Variants in CHIA observed in about 807,000 individuals in gnomAD.
The protein encoded by CHIA is acidic mammalian chitinase.
CHIA carries 47 observed loss-of-function variants against 53.5 expected under a neutral mutation model. That is an observed-to-expected ratio of 0.88 (90% CI 0.70 to 1.12). The LOEUF (loss-of-function observed/expected upper bound fraction) is 1.12. Ranked by LOEUF, CHIA falls within the 50% of genes most tolerant of loss-of-function variation. The pLI, the probability that CHIA is intolerant of heterozygous loss-of-function variation, is 0.00. For missense variants in CHIA, 652 were observed against 592.2 expected, an observed-to-expected ratio of 1.10 and a Z score of -1.05; for synonymous variants, 268 against 222.2, an observed-to-expected ratio of 1.21 and a Z score of -1.83.
intron 6 of CHIA, chr1:111,316,029 G>A: frequency 3.1e-6 from 1 of 322,116 alleles, no homozygotes; most frequent in South Asian, 2.5e-5. Context: ...GAGTACAAAA[G>A]TAACAAGGAA....
At chr1:111,307,650 T>C (rs1192477270) in intron 1 of CHIA, among the ~76,000 whole-genome samples, 1 of 151,820 alleles carries the variant, frequency 6.6e-6, no homozygotes, top group African/African-American at 2.4e-5. Context: ...CTTTTTTTTT[T>C]TTTTTCTTGA....
rs769351912 is a variant in CHIA at position 111,312,313 on chromosome 1, G to A, written c.179G>A (p.Gly60Glu). ...ACCCACCTGATCTACGCCTTTGCTG[G>A]GAGGCAGAACAACGAGATCACCACC... ...LCTHLIYAFA[G>E]RQNNEITTIE... Residue 60 changes from glycine to glutamate, a missense_variant, in exon 4 of 12, where the codon GGG becomes GAG. By Grantham distance (98) the Gly-to-Glu change is moderately conservative. Transcript: ENST00000369740. 2.5e-6 allele frequency: 4 copies of A among 1,613,802 alleles called. No homozygotes were observed. The African/African-American group carries it at 4.0e-5, about 16-fold the overall frequency.
At position 111,318,076 on chromosome 1, in the gene CHIA, G is replaced by A. The variant is rs560491782; in HGVS notation, c.696G>A (p.Pro232=). 83 of 1,613,590 alleles carry A rather than the reference G, an allele frequency of 5.1e-5. No individual in the cohort carries two copies. Among genetic ancestry groups the A allele is most frequent in the Admixed American group, 6.7e-5 (4 of 60,008 alleles). ...AGAACAGCCCCCTCTACAAATACCCGACTGACACCGGCAGCAACGCCTACC... is the reference window on the plus strand; with the variant it reads ...AGAACAGCCCCCTCTACAAATACCCAACTGACACCGGCAGCAACGCCTACC... ...TGENSPLYKY[P]TDTGSNAYLN... is the part of the protein sequence containing the mutation. The change falls in exon 8 of 12, where the codon CCG becomes CCA. Residue 232 remains proline (P), a synonymous_variant. Coordinates refer to ENST00000369740, the MANE Select transcript of CHIA (RefSeq NM_201653.4).
intron 11 of CHIA, among the ~76,000 whole-genome samples, chr1:111,319,878 C>T (rs1649515857): frequency 6.6e-6 from 1 of 152,156 alleles, no homozygotes; most frequent in South Asian, 2.1e-4. Context: ...TAAATTTTTT[C>T]CAGATTTTTC....
At chr1:111,292,265 C>T (rs1661069468) in intron 1 of CHIA, among the ~76,000 whole-genome samples, 1 of 152,162 alleles carries the variant, frequency 6.6e-6, no homozygotes, top group South Asian at 2.1e-4. Flanking sequence ...TAGTATTATC[C>T]ATATGTAATA....
chr1:111,303,021 G>C (rs1421037165), intron 1 of CHIA, among the ~76,000 whole-genome samples: 1 of 151,864 alleles, frequency 6.6e-6, no homozygotes, highest in Non-Finnish European at 1.5e-5. Flanking sequence ...TTTGTCTCTT[G>C]TACATTTTTT....
At chr1:111,311,176 T>C (rs1648636092) in intron 2 of CHIA, among the ~76,000 whole-genome samples, 1 of 152,194 alleles carries the variant, frequency 6.6e-6, no homozygotes, top group Non-Finnish European at 1.5e-5. Context: ...AAGAATTGCT[T>C]TGTAGAAGTC....
At chr1:111,312,961 A>G (rs12069393) in intron 4 of CHIA, among the ~76,000 whole-genome samples, 2 of 152,092 alleles carry the variant, frequency 1.3e-5, no homozygotes, top group Admixed American at 1.3e-4. Flanking sequence ...GTTTATCCAT[A>G]TTGCTGCAAA....
chr1:111,315,665 T>G (rs1290711457), intron 6 of CHIA: 5 of 587,528 alleles, frequency 8.5e-6, no homozygotes, highest in Non-Finnish European at 1.6e-5. Flanking sequence ...TTAAGAACCA[T>G]AACTCATTTC....
chr1:111,315,555 G>C, intron 6 of CHIA, 120 bp downstream of exon 6: 1 of 1,048,182 alleles, frequency 9.5e-7, no homozygotes, highest in Non-Finnish European at 1.4e-6. Flanking sequence ...TATTAGCATT[G>C]CAAAGAGTCT....
chr1:111,319,300 T>G (rs1475327657), intron 10 of CHIA, 27 bp from the exon 11 acceptor site: 2 of 1,613,998 alleles, frequency 1.2e-6, no homozygotes, highest in African/African-American at 2.7e-5. Context: ...AAGCAAGTGA[T>G]TCCTGTTATC....
In CHIA at chr1:111,313,544, T is replaced by C. The variant is rs376136619; in HGVS notation, c.258-996T>C. 1.5e-3 allele frequency among the ~76,000 whole-genome samples: 222 copies of C among 152,318 alleles called. 1 individual carries two copies. The highest frequency in any genetic ancestry group is 5.0e-3 in the African/African-American group (209 of 41,566). ...GTATAAATTTCCTATATATTTTTGA[T>C]ACTAACTAACTCCTTACTTGACATA... On this transcript the variant is annotated intron_variant, in intron 4 of 11. Transcript: ENST00000369740.
chr1:111,295,638 G>A (rs933280708), intron 1 of CHIA, among the ~76,000 whole-genome samples: 1 of 90,080 alleles, frequency 1.1e-5, no homozygotes, highest in Admixed American at 1.2e-4. Context: ...TCATCTCATT[G>A]GGACTGGTTA....
At chr1:111,304,711 AG>A (rs1434853099) in intron 1 of CHIA, among the ~76,000 whole-genome samples, 2 of 152,128 alleles carry the variant, frequency 1.3e-5, no homozygotes, top group Non-Finnish European at 2.9e-5. Context: ...GTCTTTGCCT[AG>A]CATATTTGCC....
chr1:111,314,726 T>G, intron 5 of CHIA, 130 bp downstream of exon 5: 1 of 604,758 alleles, frequency 1.7e-6, no homozygotes, highest in Non-Finnish European at 3.0e-6. Flanking sequence ...AATATATGAA[T>G]TAAATATATT....
intron 1 of CHIA, among the ~76,000 whole-genome samples, chr1:111,295,256 C>T (rs1661268710): frequency 6.6e-6 from 1 of 152,196 alleles, no homozygotes; most frequent in Admixed American, 6.5e-5. Context: ...TCACAGCTCA[C>T]TGCAGCCTCA....
At chr1:111,317,216 T>G (rs12034576) in intron 6 of CHIA, 41,955 of 167,524 alleles carry the variant, frequency 0.25, 6,026 homozygotes, top group South Asian at 0.37. Flanking sequence ...TAATCTCTAG[T>G]ATTGAATGGG....
At position 111,319,158 on chromosome 1, in the gene CHIA, G is replaced by C. The variant is rs1385038277; in HGVS notation, c.954G>C (p.Trp318Cys). The stretch of plus-strand genomic sequence containing the variant: ...TGAAAAATGGAGCCACTCAGGGATG[G>C]GATGCCCCTCAGGAAGTGCCTTATG... ...TFLKNGATQG[W>C]DAPQEVPYAY... Residue 318 changes from tryptophan to cysteine, a missense_variant, in exon 10 of 12, where the codon TGG becomes TGC. By Grantham distance (215) the Trp-to-Cys change is radical. Transcript: ENST00000369740. 1 of 1,611,608 alleles carries C rather than the reference G, an allele frequency of 6.2e-7. No homozygotes were observed. The highest frequency in any genetic ancestry group is 8.5e-7 in the Non-Finnish European group (1 of 1,179,988).
At chr1:111,319,778 A>G (rs150224842) in intron 11 of CHIA, among the ~76,000 whole-genome samples, 10 of 152,344 alleles carry the variant, frequency 6.6e-5, no homozygotes, top group Non-Finnish European at 1.5e-4. Flanking sequence ...CTTATTCAAA[A>G]TCTTTCTCAG....
Sources: gnomAD v4.1 joint callset for allele counts (sites outside exome capture counted in the v4.1 genomes callset) on GRCh38, gnomAD v4.1.1 for gene constraint, MANE v1.5 for transcripts, NCBI Gene and HGNC (gene_info 2026-07-23, HGNC 2026-07-21) for gene names.